The following OTUB2 variants were observed in gnomAD, a reference collection of about 807,000 sequenced individuals.
The protein encoded by OTUB2 is OTU deubiquitinase, ubiquitin aldehyde binding 2, also known as ubiquitin thioesterase OTUB2.
Under a neutral mutation model 25.1 loss-of-function variants are expected in OTUB2, and 21 were observed. The observed-to-expected ratio is 0.84, with a 90% CI of 0.59 to 1.21. The LOEUF (loss-of-function observed/expected upper bound fraction) is 1.21. Among genes scored for constraint, OTUB2 ranks in the 50% most tolerant of loss-of-function variants. OTUB2 has a pLI of 0.00. For synonymous variants in OTUB2, 122 were observed against 122.8 expected (o/e 0.99, Z 0.04); for missense variants, 283 against 298.0 (o/e 0.95, Z 0.37).
At chr14:94,042,306 C>A (rs1303745300) in intron 3 of OTUB2, among the ~76,000 whole-genome samples, 2 of 152,120 alleles carry the variant, frequency 1.3e-5, no homozygotes, top group Non-Finnish European at 2.9e-5. Flanking sequence ...CCCTCCAAGC[C>A]CCAGTGCTAT....
chr14:94,044,274 C>T (rs961448632), intron 4 of OTUB2, among the ~76,000 whole-genome samples: 13 of 152,154 alleles, frequency 8.5e-5, no homozygotes, highest in East Asian at 1.9e-4. Context: ...AGTGAAGGGG[C>T]GGGATCGAGG....
intron 1 of OTUB2, among the ~76,000 whole-genome samples, chr14:94,034,756 G>C (rs1408872346): frequency 1.3e-5 from 2 of 152,184 alleles, no homozygotes; most frequent in Non-Finnish European, 2.9e-5. Context: ...GGCTGCTGTG[G>C]ACATTGCATC....
At chr14:94,040,857 G>A (rs1243731523) in intron 3 of OTUB2, among the ~76,000 whole-genome samples, 1 of 152,240 alleles carries the variant, frequency 6.6e-6, no homozygotes, top group Non-Finnish European at 1.5e-5. Context: ...AGGAGTGCAA[G>A]GTCTGGGGTT....
At chr14:94,035,235 T>C (rs10144230) in intron 1 of OTUB2, among the ~76,000 whole-genome samples, 35,740 of 151,412 alleles carry the variant, frequency 0.24, 4,887 homozygotes, top group African/African-American at 0.36. Context: ...GCCCTGTTTC[T>C]TCTTTCCTCT....
chr14:94,029,251 T>C (rs562989605), intron 1 of OTUB2, among the ~76,000 whole-genome samples: 1 of 152,300 alleles, frequency 6.6e-6, no homozygotes, highest in East Asian at 1.9e-4. Context: ...GCTAGTCCCA[T>C]GCATGCATCT....
intron 2 of OTUB2, 43 bp from the exon 3 acceptor site, chr14:94,038,920 C>T (rs764240528): frequency 1.0e-4 from 163 of 1,565,652 alleles, no homozygotes; most frequent in Middle Eastern, 1.7e-4. Flanking sequence ...CACACAGAGC[C>T]GTTGTTGGTG....
chr14:94,040,008 T>G (rs1469455192), intron 3 of OTUB2, among the ~76,000 whole-genome samples: 5 of 152,118 alleles, frequency 3.3e-5, no homozygotes, highest in Non-Finnish European at 1.5e-5. Flanking sequence ...TGTAGGCCTA[T>G]TAACAGCATC....
chr14:94,042,274 C>A (rs773667652), intron 3 of OTUB2, among the ~76,000 whole-genome samples: 62 of 152,164 alleles, frequency 4.1e-4, no homozygotes, highest in Non-Finnish European at 6.3e-4. Flanking sequence ...TGTGTGCAGC[C>A]CCAGCGGTCT....
At chr14:94,040,980 C>T (rs771917410) in intron 3 of OTUB2, among the ~76,000 whole-genome samples, 2 of 152,142 alleles carry the variant, frequency 1.3e-5, no homozygotes, top group Non-Finnish European at 2.9e-5. Flanking sequence ...CGAGGGATTG[C>T]GCAGCACGGG....
At chr14:94,040,679 C>G (rs888042096) in intron 3 of OTUB2, among the ~76,000 whole-genome samples, 1 of 152,256 alleles carries the variant, frequency 6.6e-6, no homozygotes, top group African/African-American at 2.4e-5. Context: ...GTGCCATGCT[C>G]AGACCCTTCT....
rs1185590002 is a variant in OTUB2, at chr14:94,046,145, C to G, written c.*223C>G. 1 of 620,594 alleles carries G rather than the reference C, an allele frequency of 1.6e-6. No homozygotes were observed. Among genetic ancestry groups the G allele is most frequent in the Non-Finnish European group, 2.8e-6 (1 of 357,538 alleles). The allele number at this position is 620,594 out of a possible 1,614,324, so 38.4% of individuals were successfully genotyped here. ...GAGGGACAAATGCTTTCTAACTGGG[C>G]CCCCGACTCCGCACCCCAGTTCGCA... On this transcript the variant is annotated 3_prime_UTR_variant, in exon 6 of 6. Transcript: ENST00000203664.
In OTUB2 at chr14:94,045,788, C is replaced by G. The variant is rs1885263234; in HGVS notation, c.571C>G (p.Leu191Val). The G allele has an allele frequency of 3.1e-6, 5 of 1,614,236 alleles. No individual in the cohort carries two copies. Among genetic ancestry groups the G allele is most frequent in the Non-Finnish European group, 4.2e-6 (5 of 1,180,050 alleles). ...GTTGTCGCAGGCCCTGAGCATTGCC[C>G]TGCAAGTGGAGTACGTGGACGAGAT... is the stretch of plus-strand genomic sequence containing the variant. ...TALSQALSIA[L>V]QVEYVDEMDT... The change falls in exon 6 of 6, where the codon CTG (leucine) becomes GTG (valine). Residue 191 changes from leucine (L) to valine (V), a missense_variant. Transcript: ENST00000203664.
intron 3 of OTUB2, among the ~76,000 whole-genome samples, chr14:94,041,036 GAC>G (rs1305336829): frequency 1.3e-5 from 2 of 152,208 alleles, no homozygotes; most frequent in Non-Finnish European, 2.9e-5. Context: ...CGGGGGCGGA[GAC>G]ACAGCCAGGG....
At chr14:94,028,849 C>T (rs1387848305) in intron 1 of OTUB2, among the ~76,000 whole-genome samples, 1 of 152,128 alleles carries the variant, frequency 6.6e-6, no homozygotes, top group Non-Finnish European at 1.5e-5. Context: ...GAAGGTTCTG[C>T]AGAGGAGGTC....
intron 1 of OTUB2, among the ~76,000 whole-genome samples, chr14:94,031,724 A>T (rs1415351269): frequency 2.0e-5 from 3 of 152,216 alleles, no homozygotes; most frequent in African/African-American, 7.2e-5. Context: ...AAAAGCAGTG[A>T]TTGAAGAACA....
chr14:94,039,924 G>A (rs1039587547), intron 3 of OTUB2, among the ~76,000 whole-genome samples: 1 of 152,128 alleles, frequency 6.6e-6, no homozygotes, highest in Non-Finnish European at 1.5e-5. Context: ...CTTTGGCTGA[G>A]GCAGGTTTCT....
At chr14:94,026,893 T>G (rs1281586498) in intron 1 of OTUB2, among the ~76,000 whole-genome samples, 1 of 152,154 alleles carries the variant, frequency 6.6e-6, no homozygotes, top group Admixed American at 6.5e-5. Flanking sequence ...TCGCCTCCTC[T>G]TTGTTAAGTA....
At position 94,030,856 on chromosome 14, in the gene OTUB2, G is replaced by T. The variant is rs1157652418; in HGVS notation, c.3+4316G>T. ...GGTGTGTAAGCCGGGAAACCCGGGA[G>T]CCTCTAGAAACGGAAGACAAGAAAA... is the stretch of plus-strand genomic sequence containing the variant. On this transcript the variant is annotated intron_variant, in intron 1 of 5. Coordinates refer to ENST00000203664, the MANE Select transcript of OTUB2 (RefSeq NM_023112.4). 3.9e-5 allele frequency among the ~76,000 whole-genome samples: 6 copies of T among 152,118 alleles called. No homozygotes were observed. In the East Asian group the frequency reaches 9.6e-4, roughly 24 times the overall value.
chr14:94,046,220 T>C lies in OTUB2; in HGVS notation c.*298T>C. 2.0e-6 allele frequency: 1 copy of C among 500,338 alleles called. No individual in the cohort carries two copies. Among genetic ancestry groups the C allele is most frequent in the East Asian group, 3.5e-5 (1 of 28,912 alleles). The allele number at this position is 500,338 out of a possible 1,614,324, so 31.0% of individuals were successfully genotyped here. ...CCCTCTCTGGACTTGTTTCTTCAAC[T>C]GGAGGAGGTCCCTGCCTATGCTGAC... On this transcript the variant is annotated 3_prime_UTR_variant, in exon 6 of 6. Coordinates refer to ENST00000203664, the MANE Select transcript of OTUB2 (RefSeq NM_023112.4).
Sources: gnomAD v4.1 joint callset for allele counts (sites outside exome capture counted in the v4.1 genomes callset) on GRCh38, gnomAD v4.1.1 for gene constraint, MANE v1.5 for transcripts, NCBI Gene and HGNC (gene_info 2026-07-23, HGNC 2026-07-21) for gene names.